Variants in MYH15 observed in about 807,000 individuals in gnomAD.
The protein encoded by MYH15 is myosin-15.
In MYH15, 227 loss-of-function variants were observed where a neutral mutation model predicts 240.5. That is an observed-to-expected ratio of 0.94 (90% CI 0.85 to 1.05). MYH15 has a LOEUF of 1.05. Among genes scored for constraint, MYH15 ranks in the 50% least tolerant of loss-of-function variants. The pLI is 0.00. For synonymous variants in MYH15, 785 were observed against 796.7 expected (o/e 0.99, Z 0.25); for missense variants, 2,217 against 2,247.5 (o/e 0.99, Z 0.27).
chr3:108,497,256 A>G (rs1023603188), intron 6 of MYH15, among the ~76,000 whole-genome samples: 2 of 151,094 alleles, frequency 1.3e-5, no homozygotes, highest in African/African-American at 2.4e-5. Context: ...AGAAACTTCT[A>G]TAGTTTAAAA....
At chr3:108,478,840 T>C (rs2083241780) in intron 11 of MYH15, among the ~76,000 whole-genome samples, 2 of 152,188 alleles carry the variant, frequency 1.3e-5, no homozygotes, top group South Asian at 2.1e-4. Flanking sequence ...TTTTTATCCA[T>C]GAACAAAAGA....
intron 30 of MYH15, among the ~76,000 whole-genome samples, chr3:108,413,767 A>AT (rs2082612258): frequency 6.6e-6 from 1 of 152,180 alleles, no homozygotes; most frequent in African/African-American, 2.4e-5. Context: ...AGATCCTAAC[A>AT]TTTTTTTCCA....
chr3:108,441,314 A>G (rs2082883700), intron 22 of MYH15, 54 bp from the exon 23 acceptor site: 2 of 1,598,992 alleles, frequency 1.3e-6, no homozygotes, highest in South Asian at 1.1e-5. Flanking sequence ...TTTATCAGCT[A>G]GGCGAAAATG....
chr3:108,385,582 T>A (rs1377645521), intron 38 of MYH15, among the ~76,000 whole-genome samples: 1 of 152,210 alleles, frequency 6.6e-6, no homozygotes, highest in Admixed American at 6.5e-5. Context: ...TCTTTCCTCA[T>A]GCCCCTTTAA....
chr3:108,448,319 T>C (rs115210392), intron 21 of MYH15, among the ~76,000 whole-genome samples: 2,321 of 152,068 alleles, frequency 0.015, 57 homozygotes, highest in African/African-American at 0.049. Flanking sequence ...AGTGGCTGAA[T>C]AGAAAAACCA....
intron 28 of MYH15, among the ~76,000 whole-genome samples, 168 bp downstream of exon 28, chr3:108,420,920 C>T (rs545641555): frequency 1.4e-4 from 21 of 152,180 alleles, no homozygotes; most frequent in African/African-American, 4.8e-4. Flanking sequence ...GTAACACTTC[C>T]TAGACAAGAG....
chr3:108,425,661 G>A (rs2082719827), intron 27 of MYH15, among the ~76,000 whole-genome samples: 1 of 152,190 alleles, frequency 6.6e-6, no homozygotes, highest in South Asian at 2.1e-4. Flanking sequence ...CCAGCTTCAG[G>A]AGAAACAAAG....
chr3:108,549,204 A>G, the MYH15 span, among the ~76,000 whole-genome samples: 2,763 of 151,934 alleles, frequency 0.018, 61 homozygotes, highest in African/African-American at 0.059. Context: ...CAAAACCCTG[A>G]CTATGGTGGT....
intron 21 of MYH15, among the ~76,000 whole-genome samples, chr3:108,450,870 A>G (rs2082967495): frequency 6.6e-6 from 1 of 152,240 alleles, no homozygotes. Flanking sequence ...AAACACAAAG[A>G]AAGTAGAAGA....
At chr3:108,524,246 A>G (rs2083648277) in intron 1 of MYH15, among the ~76,000 whole-genome samples, 1 of 152,014 alleles carries the variant, frequency 6.6e-6, no homozygotes, top group African/African-American at 2.4e-5. Context: ...TGACAATCCA[A>G]TAGGTATAAT....
upstream of MYH15, among the ~76,000 whole-genome samples, chr3:108,533,314 T>C (rs2083724551): frequency 2.0e-5 from 3 of 151,998 alleles, no homozygotes; most frequent in African/African-American, 2.4e-5. Flanking sequence ...ACTAAATTAA[T>C]GCCCAGAAGA....
At chr3:108,439,113 T>C (rs2082864941) in intron 24 of MYH15, among the ~76,000 whole-genome samples, 1 of 151,810 alleles carries the variant, frequency 6.6e-6, no homozygotes, top group African/African-American at 2.4e-5. Flanking sequence ...CTTTGGGGAC[T>C]ACTGTGAGCA....
At chr3:108,459,817 T>A (rs1368943177) in intron 17 of MYH15, among the ~76,000 whole-genome samples, 2 of 152,154 alleles carry the variant, frequency 1.3e-5, no homozygotes, top group South Asian at 2.1e-4. Flanking sequence ...AAACCTGAGA[T>A]GGGAATTCTG....
chr3:108,524,257 G>A (rs1016970337), intron 1 of MYH15, among the ~76,000 whole-genome samples: 10 of 151,936 alleles, frequency 6.6e-5, no homozygotes, highest in African/African-American at 2.2e-4. Flanking sequence ...TAGGTATAAT[G>A]TAATATTTCA....
intron 9 of MYH15, 110 bp from the exon 10 acceptor site, chr3:108,486,636 C>G (rs541245087): frequency 3.3e-6 from 2 of 608,466 alleles, no homozygotes; most frequent in South Asian, 3.4e-5. Context: ...TACTTGTAAA[C>G]AAGCCAAAAT....
intron 11 of MYH15, among the ~76,000 whole-genome samples, chr3:108,480,925 C>A (rs1391595939): frequency 2.0e-5 from 3 of 152,094 alleles, no homozygotes; most frequent in African/African-American, 7.2e-5. Context: ...TCCTTCAAAA[C>A]CTTCCTAAAT....
chr3:108,510,343 AGGCTCTAGAACTGAT>A lies in MYH15; in HGVS notation c.88+85_88+99del. On this transcript the variant is annotated intron_variant, in intron 1 of 40. Coordinates refer to ENST00000693548, the MANE Select transcript of MYH15 (RefSeq NM_014981.3). The stretch of plus-strand genomic sequence containing the variant: ...TGATCATACCCTAAGCAAATAAGTT[AGGCTCTAGAACTGAT>A]GGCTCTTCTCTGTCAATCAAATATC... The A allele has an allele frequency of 2.1e-6, 3 of 1,444,324 alleles. 1 individual carries two copies. The South Asian group carries it at 4.5e-5, about 22-fold the overall frequency. 89.5% of individuals were successfully genotyped at this position (1,444,324 alleles called of 1,614,324 possible).
At chr3:108,433,250 C>T (rs1361014980) in intron 25 of MYH15, among the ~76,000 whole-genome samples, 4 of 152,170 alleles carry the variant, frequency 2.6e-5, no homozygotes, top group Non-Finnish European at 4.4e-5. Context: ...CCTGTAGCCC[C>T]TTTGTTTGGG....
rs1481749970 is a variant in MYH15, at chr3:108,381,473, C to A, written c.*72G>T. 3 of 1,528,744 alleles carry A rather than the reference C, an allele frequency of 2.0e-6. No individual in the cohort carries two copies. The highest frequency in any genetic ancestry group is 2.7e-6 in the Non-Finnish European group (3 of 1,103,182). The allele number at this position is 1,528,744 out of a possible 1,614,324, so 94.7% of individuals were successfully genotyped here. On this transcript the variant is annotated 3_prime_UTR_variant, in exon 41 of 41. Transcript: ENST00000693548. ...TGTTTTTAAAAATGTTTCCATGCAA[C>A]CTAAGTTTTTGGCCATGAAACAGCA...
Sources: allele counts gnomAD v4.1 joint callset (sites outside exome capture counted in the v4.1 genomes callset), GRCh38; gene constraint gnomAD v4.1.1; transcripts MANE v1.5; gene names NCBI Gene and HGNC (gene_info 2026-07-23, HGNC 2026-07-21).